AMPH: variants seen among roughly 807,000 people sequenced by gnomAD.
AMPH encodes amphiphysin (Stiff-Mann syndrome with breast cancer 128kD autoantigen).
In AMPH, 49 loss-of-function variants were observed where a neutral mutation model predicts 99.1. That is an observed-to-expected ratio of 0.49 (90% CI 0.39 to 0.63). The LOEUF is 0.63. Ranked by LOEUF, AMPH falls within the 20% of genes least tolerant of loss-of-function variation. AMPH has a pLI of 0.00. For synonymous variants in AMPH, 314 were observed against 317.3 expected (o/e 0.99, Z 0.11); for missense variants, 759 against 863.4 (o/e 0.88, Z 1.52).
At chr7:38,506,150 T>C (rs769752435) in intron 2 of AMPH, among the ~76,000 whole-genome samples, 1 of 152,138 alleles carries the variant, frequency 6.6e-6, no homozygotes, top group Non-Finnish European at 1.5e-5. Context: ...TGCATTTTCA[T>C]GAGTGAGAAA....
At chr7:38,525,145 T>A (rs1301177284) in intron 2 of AMPH, among the ~76,000 whole-genome samples, 2 of 148,608 alleles carry the variant, frequency 1.3e-5, no homozygotes, top group Non-Finnish European at 3.0e-5. Context: ...TATATATAGT[T>A]GTGTTACTTG....
chr7:38,488,859 T>C (rs1788614049), intron 5 of AMPH, among the ~76,000 whole-genome samples: 1 of 152,136 alleles, frequency 6.6e-6, no homozygotes, highest in African/African-American at 2.4e-5. Flanking sequence ...CACAAACAAA[T>C]GGAATGGCAT....
chr7:38,612,442 T>A (rs1418905281), intron 1 of AMPH, among the ~76,000 whole-genome samples: 1 of 152,124 alleles, frequency 6.6e-6, no homozygotes, highest in Non-Finnish European at 1.5e-5. Context: ...GCTTTGGAGC[T>A]TCAATAGAGG....
At chr7:38,554,478 T>C (rs1562823883) in intron 1 of AMPH, among the ~76,000 whole-genome samples, 1 of 152,146 alleles carries the variant, frequency 6.6e-6, no homozygotes, top group Non-Finnish European at 1.5e-5. Flanking sequence ...CCTACTTCTA[T>C]AAATATGCTT....
intron 1 of AMPH, among the ~76,000 whole-genome samples, chr7:38,613,193 G>A (rs11970949): frequency 2.0e-5 from 3 of 152,172 alleles, no homozygotes; most frequent in Non-Finnish European, 2.9e-5. Flanking sequence ...CCATCATTCT[G>A]AACTGCTTCC....
chr7:38,489,408 G>C (rs927809479), intron 5 of AMPH, among the ~76,000 whole-genome samples: 1 of 151,398 alleles, frequency 6.6e-6, no homozygotes, highest in East Asian at 1.9e-4. Flanking sequence ...AAAAGTTGAG[G>C]GGGGGGGAAG....
chr7:38,627,033 C>T (rs1012942184), intron 1 of AMPH, among the ~76,000 whole-genome samples: 1 of 152,150 alleles, frequency 6.6e-6, no homozygotes, highest in African/African-American at 2.4e-5. Context: ...TGTCCACTCC[C>T]CATTCTGTAC....
intron 1 of AMPH, among the ~76,000 whole-genome samples, chr7:38,609,955 G>A (rs553951640): frequency 2.0e-5 from 3 of 151,852 alleles, no homozygotes; most frequent in South Asian, 2.1e-4. Flanking sequence ...AGCTGAGAAC[G>A]GTGGCTCATG....
intron 1 of AMPH, among the ~76,000 whole-genome samples, chr7:38,575,005 G>A (rs1387654443): frequency 7.3e-6 from 1 of 136,908 alleles, no homozygotes; most frequent in African/African-American, 2.8e-5. Context: ...AGTGAGCCAA[G>A]ATTGCGCCAC....
chr7:38,498,328 G>A (rs141923680), intron 3 of AMPH, among the ~76,000 whole-genome samples: 1 of 152,132 alleles, frequency 6.6e-6, no homozygotes, highest in African/African-American at 2.4e-5. Flanking sequence ...CAAAGTAGTT[G>A]GCACAAGCAA....
rs567929050 is a variant in AMPH at position 38,417,615 on chromosome 7, C to A, written c.1398+210G>T. On this transcript the variant is annotated intron_variant, in intron 17 of 20. Coordinates refer to ENST00000356264, the MANE Select transcript of AMPH (RefSeq NM_001635.4). ...TATACCTGTGGCTATGTACAGTTTT[C>A]TTTAGATCATAAGATCAGTTATCTG... Among the ~76,000 whole-genome samples the A allele has an allele frequency of 3.3e-5, 5 of 152,312 alleles. 1 individual carries two copies. The Middle Eastern group carries it at 0.01, about 311-fold the overall frequency.
At chr7:38,622,900 T>C (rs1291302193) in intron 1 of AMPH, among the ~76,000 whole-genome samples, 2 of 152,192 alleles carry the variant, frequency 1.3e-5, no homozygotes, top group Non-Finnish European at 2.9e-5. Context: ...TTCCAGCTCC[T>C]GCCTCCACCC....
intron 1 of AMPH, among the ~76,000 whole-genome samples, chr7:38,572,357 C>A (rs958537466): frequency 6.6e-6 from 1 of 152,214 alleles, no homozygotes; most frequent in Admixed American, 6.5e-5. Context: ...ACAGGCTATG[C>A]TATACAGCCC....
intron 12 of AMPH, among the ~76,000 whole-genome samples, chr7:38,433,278 C>A (rs1001968748): frequency 8.5e-5 from 13 of 152,186 alleles, no homozygotes; most frequent in African/African-American, 1.4e-4. Flanking sequence ...CTCCATGCAG[C>A]CTGCCTGGTC....
chr7:38,631,151 G>T (rs1231548469), intron 1 of AMPH, 132 bp downstream of exon 1: 1 of 787,468 alleles, frequency 1.3e-6, no homozygotes, highest in Non-Finnish European at 1.6e-6. Flanking sequence ...GCGTCCCAGC[G>T]TCCCTGGCCC....
intron 15 of AMPH, among the ~76,000 whole-genome samples, chr7:38,424,796 G>A (rs1384326591): frequency 1.3e-5 from 2 of 152,088 alleles, no homozygotes; most frequent in Non-Finnish European, 2.9e-5. Context: ...GAAGTAAAAA[G>A]AAGATGCTAC....
At chr7:38,438,015 A>T (rs1450787276) in intron 11 of AMPH, among the ~76,000 whole-genome samples, 1 of 152,312 alleles carries the variant, frequency 6.6e-6, no homozygotes, top group African/African-American at 2.4e-5. Context: ...TACTTTCTTT[A>T]CTAATTACAA....
At chr7:38,508,129 CATAGAATGA>C (rs1393883562) in intron 2 of AMPH, among the ~76,000 whole-genome samples, 1 of 152,144 alleles carries the variant, frequency 6.6e-6, no homozygotes, top group Non-Finnish European at 1.5e-5. Flanking sequence ...GGACAAAATT[CATAGAATGA>C]ATTAATGATT....
intron 16 of AMPH, among the ~76,000 whole-genome samples, chr7:38,418,788 T>G (rs1562740333): frequency 6.6e-6 from 1 of 152,160 alleles, no homozygotes; most frequent in African/African-American, 2.4e-5. Flanking sequence ...GAGGTCTTTT[T>G]GTCCCAACAA....
Sources: allele counts gnomAD v4.1 joint callset (sites outside exome capture counted in the v4.1 genomes callset), GRCh38; gene constraint gnomAD v4.1.1; transcripts MANE v1.5; gene names NCBI Gene and HGNC (gene_info 2026-07-23, HGNC 2026-07-21).